TBC1D4: variants seen among roughly 807,000 people sequenced by gnomAD.
The protein encoded by TBC1D4 is TBC (Tre-2, BUB2, CDC16) domain-containing protein.
In TBC1D4, 121 loss-of-function variants were observed where a neutral mutation model predicts 142.5. The ratio of observed to expected loss-of-function variants is 0.85; its 90% confidence interval spans 0.73 to 0.99. The LOEUF is 0.99. Among genes scored for constraint, TBC1D4 ranks in the 50% least tolerant of loss-of-function variants. TBC1D4 has a pLI of 0.00. For missense variants in TBC1D4, 1,475 were observed against 1,606.6 expected, an observed-to-expected ratio of 0.92 and a Z score of 1.40; for synonymous variants, 630 against 628.2, an observed-to-expected ratio of 1.00 and a Z score of -0.04.
At chr13:75,380,672 A>C (rs1236334920) in intron 1 of TBC1D4, among the ~76,000 whole-genome samples, 3 of 152,116 alleles carry the variant, frequency 2.0e-5, no homozygotes, top group Non-Finnish European at 4.4e-5. Context: ...AGAAGTGAAA[A>C]AAGGGAGAAT....
In TBC1D4 at chr13:75,342,151, C is replaced by T. The variant is rs1415788916; in HGVS notation, c.1409-564G>A. ...GGCAGAGGTTGCAGTGAGCCAAGAT[C>T]GAGCCACTGCACTCCAGCCTGGGCG... On this transcript the variant is annotated intron_variant, in intron 5 of 20. Transcript: ENST00000377636. Among the ~76,000 whole-genome samples, 8 of 152,214 alleles carry T rather than the reference C, an allele frequency of 5.3e-5. No homozygotes were observed. The East Asian group carries it at 5.8e-4, about 11-fold the overall frequency.
At chr13:75,294,299 T>TACAG (rs1409370129) in intron 18 of TBC1D4, among the ~76,000 whole-genome samples, 1 of 152,154 alleles carries the variant, frequency 6.6e-6, no homozygotes, top group Non-Finnish European at 1.5e-5. Flanking sequence ...GTACTTAGTG[T>TACAG]TTTCCCTGAG....
chr13:75,335,234 C>T (rs959277748), intron 8 of TBC1D4, among the ~76,000 whole-genome samples: 3 of 152,154 alleles, frequency 2.0e-5, no homozygotes, highest in African/African-American at 7.2e-5. Flanking sequence ...GCTCCCACAC[C>T]CTGCATCGGG....
chr13:75,349,130 AAG>A, intron 5 of TBC1D4, 38 bp downstream of exon 5: 1 of 1,613,738 alleles, frequency 6.2e-7, no homozygotes, highest in Non-Finnish European at 8.5e-7. Flanking sequence ...CCAAATGCCA[AAG>A]CAAACTTCTC....
intron 1 of TBC1D4, among the ~76,000 whole-genome samples, chr13:75,444,473 A>G (rs1278388097): frequency 6.6e-6 from 1 of 152,212 alleles, no homozygotes; most frequent in Admixed American, 6.5e-5. Flanking sequence ...TAATTTAGAT[A>G]AGATAATAAT....
chr13:75,341,394 C>G (rs1880688061), intron 6 of TBC1D4, 102 bp downstream of exon 6: 1 of 1,275,838 alleles, frequency 7.8e-7, no homozygotes, highest in Admixed American at 1.8e-5. Context: ...CTAGGTCATG[C>G]ATCTTTAGCT....
chr13:75,400,102 AT>A (rs1885008073), intron 1 of TBC1D4, among the ~76,000 whole-genome samples: 1 of 152,212 alleles, frequency 6.6e-6, no homozygotes, highest in South Asian at 2.1e-4. Flanking sequence ...AAATTGCAAA[AT>A]AGTGGGCAAA....
intron 3 of TBC1D4, among the ~76,000 whole-genome samples, chr13:75,359,189 C>T (rs909251902): frequency 6.6e-6 from 1 of 152,032 alleles, no homozygotes; most frequent in Non-Finnish European, 1.5e-5. Context: ...TTCAAAAGTT[C>T]TTTTTAATCT....
intron 12 of TBC1D4, among the ~76,000 whole-genome samples, chr13:75,317,205 G>A (rs1399909124): frequency 6.6e-6 from 1 of 152,130 alleles, no homozygotes; most frequent in Non-Finnish European, 1.5e-5. Flanking sequence ...AATACTCCTT[G>A]CATTAGTTCT....
chr13:75,406,808 G>T lies in TBC1D4; in HGVS notation c.499-44201C>A, dbSNP rs575471106. On this transcript the variant is annotated intron_variant, in intron 1 of 20. Transcript: ENST00000377636. ...CATGTGCTTTGGTTACCCACAAGCA[G>T]GGTTTATGGTAGTTTAATGTACAAA... Among the ~76,000 whole-genome samples, 3 of 152,256 alleles carry T rather than the reference G, an allele frequency of 2.0e-5. No homozygotes were observed. The South Asian group carries it at 6.2e-4, about 32-fold the overall frequency.
At chr13:75,457,919 G>GGGAGCATGCAGATGGGCAGGTGCA (rs1887805443) in intron 1 of TBC1D4, among the ~76,000 whole-genome samples, 1 of 152,190 alleles carries the variant, frequency 6.6e-6, no homozygotes, top group Non-Finnish European at 1.5e-5. Context: ...TTATGGAATG[G>GGGAGCATGCAGATGGGCAGGTGCA]GGAGCATGCA....
intron 1 of TBC1D4, among the ~76,000 whole-genome samples, chr13:75,459,507 T>C (rs1023114527): frequency 6.6e-6 from 1 of 152,214 alleles, no homozygotes; most frequent in Non-Finnish European, 1.5e-5. Flanking sequence ...TTTCTCACAA[T>C]ATTAGCTAAC....
At chr13:75,464,723 T>C (rs1888101401) in intron 1 of TBC1D4, among the ~76,000 whole-genome samples, 1 of 152,198 alleles carries the variant, frequency 6.6e-6, no homozygotes, top group Non-Finnish European at 1.5e-5. Flanking sequence ...CTGAGACACA[T>C]TTCCTGGAAC....
chr13:75,416,343 C>T (rs1885915807), intron 1 of TBC1D4, among the ~76,000 whole-genome samples: 4 of 152,096 alleles, frequency 2.6e-5, no homozygotes, highest in South Asian at 2.1e-4. Flanking sequence ...AAAGTAATCT[C>T]CGTACTTCTC....
At chr13:75,458,211 G>C (rs574005192) in intron 1 of TBC1D4, among the ~76,000 whole-genome samples, 3 of 152,168 alleles carry the variant, frequency 2.0e-5, no homozygotes, top group African/African-American at 7.2e-5. Context: ...CAGGATGGAT[G>C]GGGAGCTGGA....
At chr13:75,442,443 T>A (rs931534045) in intron 1 of TBC1D4, among the ~76,000 whole-genome samples, 16 of 152,024 alleles carry the variant, frequency 1.1e-4, no homozygotes, top group African/African-American at 3.4e-4. Flanking sequence ...GAAAACAAAT[T>A]CAAAATCACT....
intron 10 of TBC1D4, 144 bp from the exon 11 acceptor site, chr13:75,324,545 AAAG>A (rs748503911): frequency 8.4e-5 from 81 of 962,894 alleles, no homozygotes; most frequent in African/African-American, 1.8e-4. Context: ...CATGAAAAAA[AAAG>A]AAGAAGCATG....
Position 75,481,959 on chromosome 13 carries a change from AGGCTCCGGC to A in TBC1D4, c.-201_-193del. 1.2e-6 allele frequency: 1 copy of A among 803,714 alleles called. No homozygotes were observed. The highest frequency in any genetic ancestry group is 1.7e-6 in the Non-Finnish European group (1 of 596,090). The allele number at this position is 803,714 out of a possible 1,614,324, so 49.8% of individuals were successfully genotyped here. A position where few individuals can be genotyped will look rare whatever the true frequency, so the allele number is the denominator to read the frequency against. On this transcript the variant is annotated 5_prime_UTR_variant, in exon 1 of 21. Transcript: ENST00000377636. ...CAGCACTTCCACGGGCGCGGCTCGG[AGGCTCCGGC>A]GGCGGGCACCGAGGCAAGCGCCCGG...
intron 1 of TBC1D4, among the ~76,000 whole-genome samples, chr13:75,449,330 C>T (rs761582703): frequency 4.6e-5 from 7 of 151,394 alleles, no homozygotes; most frequent in Non-Finnish European, 8.8e-5. Flanking sequence ...TTTTCTTATA[C>T]GTACATACCT....
Sources: allele counts gnomAD v4.1 joint callset (sites outside exome capture counted in the v4.1 genomes callset), GRCh38; gene constraint gnomAD v4.1.1; transcripts MANE v1.5; gene names NCBI Gene and HGNC (gene_info 2026-07-23, HGNC 2026-07-21).